AGO2: variants seen among roughly 807,000 people sequenced by gnomAD.
The protein encoded by AGO2 is argonaute RISC catalytic component 2, also known as protein argonaute-2.
Under a neutral mutation model 102.3 loss-of-function variants are expected in AGO2, and 5 were observed. That is an observed-to-expected ratio of 0.05 (90% CI 0.03 to 0.10). AGO2 has a LOEUF of 0.10. Among genes scored for constraint, AGO2 ranks in the 10% least tolerant of loss-of-function variants. The pLI, the probability that AGO2 is intolerant of heterozygous loss-of-function variation, is 1.00. For missense variants in AGO2, 541 were observed against 1,183.7 expected (o/e 0.46, Z 7.97); for synonymous variants, 449 against 473.1 (o/e 0.95, Z 0.66).
chr8:140,625,596 G>A (rs1160638054), intron 1 of AGO2, among the ~76,000 whole-genome samples: 2 of 152,100 alleles, frequency 1.3e-5, no homozygotes, highest in African/African-American at 2.4e-5. Flanking sequence ...CACCATGAAC[G>A]GGCCTCACCC....
At chr8:140,615,136 G>A (rs1009056204) in intron 1 of AGO2, among the ~76,000 whole-genome samples, 4 of 152,088 alleles carry the variant, frequency 2.6e-5, no homozygotes, top group East Asian at 1.9e-4. Flanking sequence ...CTGTAATCCC[G>A]GCACTTTGGG....
chr8:140,611,189 C>T (rs148027950), intron 1 of AGO2, among the ~76,000 whole-genome samples: 97 of 152,262 alleles, frequency 6.4e-4, no homozygotes, highest in African/African-American at 2.2e-3. Context: ...TGCAAGGCGG[C>T]GATGGCAGGC....
chr8:140,624,849 C>T (rs979407182), intron 1 of AGO2, among the ~76,000 whole-genome samples: 8 of 152,216 alleles, frequency 5.3e-5, no homozygotes, highest in Non-Finnish European at 8.8e-5. Flanking sequence ...AAACGGGAAA[C>T]GGGACGAGGC....
chr8:140,611,083 C>T (rs78053161), intron 1 of AGO2, among the ~76,000 whole-genome samples: 2 of 152,152 alleles, frequency 1.3e-5, no homozygotes, highest in Admixed American at 6.5e-5. Context: ...GTCCGGGGAG[C>T]TTCAGGGAGG....
chr8:140,566,605 T>C (rs897180632), intron 3 of AGO2, among the ~76,000 whole-genome samples: 1 of 139,860 alleles, frequency 7.2e-6, no homozygotes, highest in African/African-American at 2.8e-5. Context: ...TTACTTTCTT[T>C]TTTTTTTTTT....
chr8:140,573,216 C>G (rs1412529475), intron 2 of AGO2, among the ~76,000 whole-genome samples: 1 of 151,896 alleles, frequency 6.6e-6, no homozygotes, highest in East Asian at 1.9e-4. Context: ...GTTGCCCGGG[C>G]TGGAGTGCAG....
At chr8:140,570,516 C>CA (rs2132970827) in intron 3 of AGO2, among the ~76,000 whole-genome samples, 1 of 152,322 alleles carries the variant, frequency 6.6e-6, no homozygotes, top group African/African-American at 2.4e-5. Flanking sequence ...AGGCATGAGC[C>CA]ACTGCACCTA....
chr8:140,611,659 T>C (rs559725738), intron 1 of AGO2, among the ~76,000 whole-genome samples: 1 of 152,220 alleles, frequency 6.6e-6, no homozygotes, highest in Non-Finnish European at 1.5e-5. Context: ...TTGAATGTTC[T>C]GTATGAGGAA....
intron 1 of AGO2, among the ~76,000 whole-genome samples, chr8:140,597,268 C>G (rs932311759): frequency 1.6e-4 from 24 of 152,356 alleles, no homozygotes; most frequent in Non-Finnish European, 3.4e-4. Flanking sequence ...ACACCCTTTC[C>G]GGCAAGCACA....
intron 3 of AGO2, among the ~76,000 whole-genome samples, chr8:140,566,990 G>C (rs1029359037): frequency 2.0e-5 from 3 of 152,234 alleles, no homozygotes; most frequent in Non-Finnish European, 4.4e-5. Context: ...CTTTAGGCCC[G>C]AGTACATCTG....
intron 10 of AGO2, among the ~76,000 whole-genome samples, chr8:140,554,497 G>A (rs1160471811): frequency 2.0e-5 from 3 of 152,178 alleles, no homozygotes; most frequent in African/African-American, 7.2e-5. Flanking sequence ...AGAAAACAGC[G>A]AGGCACAGAA....
At chr8:140,556,779 T>C (rs1377872434) in intron 8 of AGO2, among the ~76,000 whole-genome samples, 1 of 152,060 alleles carries the variant, frequency 6.6e-6, no homozygotes, top group Non-Finnish European at 1.5e-5. Context: ...GTCGTGATGT[T>C]AGAGGAGAGT....
At chr8:140,606,909 C>G (rs1322082351) in intron 1 of AGO2, among the ~76,000 whole-genome samples, 1 of 151,770 alleles carries the variant, frequency 6.6e-6, no homozygotes, top group Non-Finnish European at 1.5e-5. Flanking sequence ...TGTACTCCAG[C>G]CTGGGTGACA....
rs2072461104 is a variant in AGO2 at position 140,524,160 on chromosome 8, G to C, written c.*7884C>G. 6.6e-6 allele frequency: 1 copy of C among 152,318 alleles called. No individual in the cohort carries two copies. Among genetic ancestry groups the C allele is most frequent in the East Asian group, 1.9e-4 (1 of 5,190 alleles). The allele number at this position is 152,318 out of a possible 1,614,324, so 9.4% of individuals were successfully genotyped here. A position where few individuals can be genotyped will look rare whatever the true frequency, so the allele number is the denominator to read the frequency against. The stretch of plus-strand genomic sequence containing the variant: ...TAATGAAGAGCATTCCAAAATAAGG[G>C]TCACAGGACTGAATAGCACCTTACA... On this transcript the variant is annotated 3_prime_UTR_variant, in exon 19 of 19. Transcript: ENST00000220592.
rs769004540 is a variant in AGO2 at position 140,522,722 on chromosome 8, AG to A, written c.*9321del. On this transcript the variant is annotated 3_prime_UTR_variant, in exon 19 of 19. Coordinates refer to ENST00000220592, the MANE Select transcript of AGO2 (RefSeq NM_012154.5). Reference sequence around the variant, plus strand: ...AGAGAGAGGGAGGGGGAGGGGGGAGAGGGGGAGAGAGAGAGAGAGAGAGAGA... The same window carrying A: ...AGAGAGAGGGAGGGGGAGGGGGGAGAGGGGAGAGAGAGAGAGAGAGAGAGA... 1.7e-4 allele frequency: 15 copies of A among 89,290 alleles called. No individual in the cohort carries two copies. Among genetic ancestry groups the A allele is most frequent in the Non-Finnish European group, 2.8e-4 (11 of 38,984 alleles). The allele number at this position is 89,290 out of a possible 1,614,324, so 5.5% of individuals were successfully genotyped here. A position where few individuals can be genotyped will look rare whatever the true frequency, so the allele number is the denominator to read the frequency against.
At chr8:140,580,566 G>A (rs150213559) in intron 2 of AGO2, among the ~76,000 whole-genome samples, 17 of 152,186 alleles carry the variant, frequency 1.1e-4, no homozygotes, top group South Asian at 2.1e-4. Context: ...CTCCAGCGGC[G>A]CTGACCATGA....
intron 14 of AGO2, among the ~76,000 whole-genome samples, chr8:140,541,626 G>A (rs531500612): frequency 3.3e-5 from 5 of 152,176 alleles, no homozygotes; most frequent in South Asian, 2.1e-4. Flanking sequence ...AAAACAGGCC[G>A]GGTGCAGTGG....
At position 140,538,931 on chromosome 8, in the gene AGO2, T is replaced by C. The variant is rs529556263; in HGVS notation, c.2169+389A>G. ...GCTTGGACAAAATAGTGAGACCCTGTCTCTACAAAAAATAAAAAAAAAATT... is the reference window on the plus strand; with the variant it reads ...GCTTGGACAAAATAGTGAGACCCTGCCTCTACAAAAAATAAAAAAAAAATT... On this transcript the variant is annotated intron_variant, in intron 16 of 18. Coordinates refer to ENST00000220592, the MANE Select transcript of AGO2 (RefSeq NM_012154.5). 2.6e-5 allele frequency among the ~76,000 whole-genome samples: 4 copies of C among 151,994 alleles called. No individual in the cohort carries two copies. The South Asian group carries it at 8.3e-4, about 32-fold the overall frequency.
intron 1 of AGO2, 80 bp downstream of exon 1, chr8:140,635,405 C>T: frequency 2.4e-5 from 23 of 960,782 alleles, no homozygotes; most frequent in Non-Finnish European, 2.8e-5. Flanking sequence ...TCCCCGGCCC[C>T]TGCCGCCCGC....
Sources: gnomAD v4.1 joint callset for allele counts (sites outside exome capture counted in the v4.1 genomes callset) on GRCh38, gnomAD v4.1.1 for gene constraint, MANE v1.5 for transcripts, NCBI Gene and HGNC (gene_info 2026-07-23, HGNC 2026-07-21) for gene names.